FLNB: variants seen among roughly 807,000 people sequenced by gnomAD.
FLNB encodes the protein filamin B, also known as filamin-B.
In FLNB, 111 loss-of-function variants were observed where a neutral mutation model predicts 250.6. The observed-to-expected ratio is 0.44, with a 90% CI of 0.38 to 0.52. FLNB has a LOEUF of 0.52. Among genes scored for constraint, FLNB ranks in the 20% least tolerant of loss-of-function variants. The probability of loss-of-function intolerance (pLI) is 0.00; values close to 1 mark genes in which losing one functional copy is unlikely to be tolerated. For missense variants in FLNB, 2,869 were observed against 3,447.8 expected (o/e 0.83, Z 4.20); for synonymous variants, 1,302 against 1,372.1 (o/e 0.95, Z 1.13).
chr3:58,082,192 A>G (rs1405503966), intron 4 of FLNB, among the ~76,000 whole-genome samples: 5 of 152,078 alleles, frequency 3.3e-5, no homozygotes, highest in Non-Finnish European at 5.9e-5. Flanking sequence ...AGTGGGAGCT[A>G]TTGTTAACCC....
At chr3:58,038,267 GA>G (rs1430430324) in intron 1 of FLNB, among the ~76,000 whole-genome samples, 1 of 152,132 alleles carries the variant, frequency 6.6e-6, no homozygotes, top group Non-Finnish European at 1.5e-5. Flanking sequence ...GACCTCAGGT[GA>G]TCCACCTGCC....
intron 4 of FLNB, among the ~76,000 whole-genome samples, chr3:58,082,552 C>T (rs543728016): frequency 2.6e-4 from 39 of 152,200 alleles, no homozygotes; most frequent in African/African-American, 8.2e-4. Context: ...GGGCAGATCA[C>T]CTGAGGTCAG....
intron 1 of FLNB, among the ~76,000 whole-genome samples, chr3:58,025,187 TGGCACATTCAC>T (rs369159665): frequency 2.7e-5 from 4 of 145,694 alleles, no homozygotes; most frequent in African/African-American, 1.0e-4. Flanking sequence ...TGGAGTGTAG[TGGCACATTCAC>T]GGCTCATTGC....
At chr3:58,156,229 CAG>C (rs1333236584) in intron 41 of FLNB, among the ~76,000 whole-genome samples, 154 bp downstream of exon 41, 1 of 152,200 alleles carries the variant, frequency 6.6e-6, no homozygotes, top group African/African-American at 2.4e-5. Context: ...TTTCCTGTGG[CAG>C]AGTCAACTCC....
At chr3:58,087,781 C>T (rs2097219582) in intron 4 of FLNB, among the ~76,000 whole-genome samples, 1 of 151,660 alleles carries the variant, frequency 6.6e-6, no homozygotes, top group South Asian at 2.1e-4. Context: ...GCTCTTGTTG[C>T]CCAGGCTGGA....
intron 18 of FLNB, among the ~76,000 whole-genome samples, chr3:58,115,552 G>T (rs1342610517): frequency 1.3e-5 from 2 of 152,168 alleles, no homozygotes; most frequent in African/African-American, 4.8e-5. Flanking sequence ...GCCTAGGTCC[G>T]GTTTTGTCCC....
chr3:58,102,486 A>G, intron 9 of FLNB, 146 bp downstream of exon 9: 1 of 945,724 alleles, frequency 1.1e-6, no homozygotes, highest in Non-Finnish European at 1.7e-6. Context: ...CTCCTTGGGG[A>G]AGACGGCAGT....
intron 41 of FLNB, among the ~76,000 whole-genome samples, chr3:58,159,194 A>G (rs2097357724): frequency 6.6e-6 from 1 of 152,154 alleles, no homozygotes; most frequent in South Asian, 2.1e-4. Context: ...TAGCTGCAGT[A>G]TCCTCTTAAA....
intron 14 of FLNB, 90 bp downstream of exon 14, chr3:58,109,412 A>G (rs541901421): frequency 2.5e-6 from 4 of 1,584,658 alleles, no homozygotes; most frequent in East Asian, 2.3e-5. Flanking sequence ...CAAGGCAGAC[A>G]TATGGAAGGA....
At chr3:58,104,673 G>C (rs1039768757) in intron 10 of FLNB, among the ~76,000 whole-genome samples, 12 of 152,114 alleles carry the variant, frequency 7.9e-5, no homozygotes, top group African/African-American at 2.9e-4. Context: ...CCCATGCCAA[G>C]GTTACAGCAC....
At chr3:58,074,931 C>G (rs1482471822) in intron 1 of FLNB, among the ~76,000 whole-genome samples, 1 of 152,140 alleles carries the variant, frequency 6.6e-6, no homozygotes, top group Non-Finnish European at 1.5e-5. Flanking sequence ...ATGACTGAAT[C>G]TGCACCTGCA....
rs2107212114 is a variant in FLNB, at chr3:58,132,823, T to G, written c.4406T>G (p.Val1469Gly). 6.2e-7 allele frequency: 1 copy of G among 1,614,168 alleles called. No individual in the cohort carries two copies. The highest frequency in any genetic ancestry group is 8.5e-7 in the Non-Finnish European group (1 of 1,180,024). ...CTGTCCTCAGGCTTGGTGGAGCCAG[T>G]GAACGTGGTGGACAATGGAGATGGC... ...VLGPRGLVEP[V>G]NVVDNGDGTH... Residue 1469 changes from valine (V) to glycine (G), a missense_variant, in exon 26 of 46, where the codon GTG becomes GGG. Val to Gly is a moderately radical substitution (Grantham distance 109). Coordinates refer to ENST00000295956, the MANE Select transcript of FLNB (RefSeq NM_001457.4).
At position 58,110,535 on chromosome 3, in the gene FLNB, C is replaced by G. The variant is rs9876051; in HGVS notation, c.2484+365C>G. Among the ~76,000 whole-genome samples the G allele has an allele frequency of 1.3e-3, 201 of 152,128 alleles. 1 individual carries two copies. Among genetic ancestry groups the G allele is most frequent in the African/African-American group, 4.7e-3 (193 of 41,496 alleles). On this transcript the variant is annotated intron_variant, in intron 16 of 45. Coordinates refer to ENST00000295956, the MANE Select transcript of FLNB (RefSeq NM_001457.4). ...GCATGATCTTGGCTCACTGCAACCT[C>G]TGCCTCCCGGGTTCAAGTGATTCTC... is the stretch of plus-strand genomic sequence containing the variant.
chr3:58,061,435 G>A (rs1576652346), intron 1 of FLNB, among the ~76,000 whole-genome samples: 1 of 152,208 alleles, frequency 6.6e-6, no homozygotes, highest in African/African-American at 2.4e-5. Flanking sequence ...TATTATAAAA[G>A]TAACAGATGG....
intron 4 of FLNB, among the ~76,000 whole-genome samples, chr3:58,085,989 C>A (rs1267434153): frequency 6.6e-6 from 1 of 152,020 alleles, no homozygotes; most frequent in Non-Finnish European, 1.5e-5. Flanking sequence ...TATTTACTTA[C>A]TTATTTTTGT....
chr3:58,126,673 A>G lies in FLNB; in HGVS notation c.4133A>G (p.Asn1378Ser), dbSNP rs1274728782. The part of the protein sequence containing the change: ...PSESKINCRD[N>S]KDGSCSAEYI... Reference sequence around the variant, plus strand: ...GAGTCGAAGATAAATTGCAGAGACAACAAGGATGGCAGCTGCAGTGCTGAG... The same window carrying G: ...GAGTCGAAGATAAATTGCAGAGACAGCAAGGATGGCAGCTGCAGTGCTGAG... The change falls in exon 24 of 46, where the codon AAC becomes AGC. Residue 1378 changes from asparagine (N) to serine (S), a missense_variant. This residue lies in a region of FLNB where 1,348 missense variants were observed against 1,466.7 expected (regional missense o/e 0.92). Transcript: ENST00000295956. 6.2e-7 allele frequency: 1 copy of G among 1,614,038 alleles called. No individual in the cohort carries two copies. Among genetic ancestry groups the G allele is most frequent in the South Asian group, 1.1e-5 (1 of 91,086 alleles).
At position 58,112,323 on chromosome 3, in the gene FLNB, G is replaced by C. The variant is rs1422063902; in HGVS notation, c.2745+5G>C. On this transcript the variant is annotated splice_donor_5th_base_variant and intron_variant, in intron 18 of 45. Transcript: ENST00000295956. ...AAATATACACCCACCCAACAGGTAG[G>C]GTCCTTCTCCCCTCTGCTCCCCTGG... 6.2e-7 allele frequency: 1 copy of C among 1,612,920 alleles called. No homozygotes were observed. The highest frequency in any genetic ancestry group is 1.7e-5 in the Admixed American group (1 of 60,022).
chr3:58,136,222 G>C (rs1046573454), intron 28 of FLNB, 54 bp downstream of exon 28: 2 of 1,566,626 alleles, frequency 1.3e-6, no homozygotes, highest in African/African-American at 2.7e-5. Flanking sequence ...TCAGAAAGCC[G>C]GGCCGTAGCC....
chr3:58,015,720 C>T (rs1240150992), intron 1 of FLNB, among the ~76,000 whole-genome samples: 12 of 152,008 alleles, frequency 7.9e-5, no homozygotes, highest in Admixed American at 7.9e-4. Context: ...TGGGATTCTG[C>T]GTTTCCAGTC....
Sources: allele counts gnomAD v4.1 joint callset (sites outside exome capture counted in the v4.1 genomes callset), GRCh38; gene constraint gnomAD v4.1.1; regional missense constraint gnomAD v4.1.1; transcripts MANE v1.5; gene names NCBI Gene and HGNC (gene_info 2026-07-23, HGNC 2026-07-21).